The following GARNL3 variants were observed in gnomAD, a reference collection of about 807,000 sequenced individuals.
The protein encoded by GARNL3 is GTPase activating Rap/RanGAP domain like 3.
GARNL3 carries 63 observed loss-of-function variants against 125.0 expected under a neutral mutation model. The ratio of observed to expected loss-of-function variants is 0.50; its 90% CI spans 0.41 to 0.62. The LOEUF is 0.62. Ranked by LOEUF, GARNL3 falls within the 20% of genes least tolerant of loss-of-function variation. The pLI, the probability that GARNL3 is intolerant of heterozygous loss-of-function variation, is 0.00. For synonymous variants in GARNL3, 439 were observed against 457.5 expected (o/e 0.96, Z 0.52); for missense variants, 994 against 1,244.0 (o/e 0.80, Z 3.02).
At chr9:127,285,313 C>T (rs1460095922) in intron 1 of GARNL3, among the ~76,000 whole-genome samples, 2 of 152,134 alleles carry the variant, frequency 1.3e-5, no homozygotes, top group African/African-American at 4.8e-5. Flanking sequence ...TGCCTGTAAT[C>T]GCAGGAGACT....
At chr9:127,289,740 A>G (rs1333349257) in intron 1 of GARNL3, among the ~76,000 whole-genome samples, 2 of 152,166 alleles carry the variant, frequency 1.3e-5, no homozygotes, top group East Asian at 3.9e-4. Flanking sequence ...GGTCTTAGAG[A>G]TCACCTCCCA....
chr9:127,366,085 C>G (rs558076741), intron 22 of GARNL3, among the ~76,000 whole-genome samples: 36 of 152,174 alleles, frequency 2.4e-4, no homozygotes, highest in African/African-American at 8.4e-4. Flanking sequence ...AGCTATTTTC[C>G]TAGATAAAGC....
chr9:127,232,453 A>G (rs2063035505), intron 1 of GARNL3, among the ~76,000 whole-genome samples: 1 of 152,118 alleles, frequency 6.6e-6, no homozygotes, highest in African/African-American at 2.4e-5. Context: ...GACTACAGGT[A>G]TGCACAACTA....
chr9:127,275,291 A>G (rs1196149815), intron 1 of GARNL3, among the ~76,000 whole-genome samples: 1 of 152,174 alleles, frequency 6.6e-6, no homozygotes, highest in East Asian at 1.9e-4. Flanking sequence ...ATGAAGAGGA[A>G]TTTGGTGTTT....
chr9:127,349,903 A>C (rs1454092504), intron 17 of GARNL3, among the ~76,000 whole-genome samples: 1 of 152,206 alleles, frequency 6.6e-6, no homozygotes, highest in African/African-American at 2.4e-5. Flanking sequence ...TGTGAGAATG[A>C]CATAATGGCC....
rs947969693 is a variant in GARNL3 at position 127,384,901 on chromosome 9, A to G, written c.2270-126A>G. ...GGTGACTTGCACATGTGAAGGAAGG[A>G]GAGAAGCAGCCAGAGGAATGAGAGA... On this transcript the variant is annotated intron_variant, in intron 23 of 27. Coordinates refer to ENST00000373387, the MANE Select transcript of GARNL3 (RefSeq NM_032293.5). This position sits in a 1 kb window ranked among gnomAD's most constrained non-coding sequence, Gnocchi z 4.0. The G allele has an allele frequency of 4.1e-5, 23 of 564,884 alleles. No homozygotes were observed. Among genetic ancestry groups the G allele is most frequent in the Non-Finnish European group, 2.6e-5 (8 of 313,592 alleles). 35.0% of individuals were successfully genotyped at this position (564,884 alleles called of 1,614,324 possible).
chr9:127,237,508 G>A (rs2063133651), intron 1 of GARNL3, among the ~76,000 whole-genome samples: 1 of 152,220 alleles, frequency 6.6e-6, no homozygotes, highest in Non-Finnish European at 1.5e-5. Context: ...TTTGCACAGT[G>A]GAAGGGGACT....
chr9:127,228,180 A>G (rs947018754), intron 1 of GARNL3, among the ~76,000 whole-genome samples: 2 of 152,216 alleles, frequency 1.3e-5, no homozygotes, highest in African/African-American at 4.8e-5. Context: ...TCATATGGAT[A>G]TATTACCATT....
intron 22 of GARNL3, among the ~76,000 whole-genome samples, chr9:127,371,851 TG>T (rs1831624271): frequency 6.6e-6 from 1 of 152,236 alleles, no homozygotes; most frequent in African/African-American, 2.4e-5. Flanking sequence ...AATTGATTTT[TG>T]ACAAAGGTGC....
At chr9:127,253,051 A>G (rs2063433975) in intron 2 of GARNL3, among the ~76,000 whole-genome samples, 1 of 152,216 alleles carries the variant, frequency 6.6e-6, no homozygotes, top group African/African-American at 2.4e-5. Flanking sequence ...GGCAACATTT[A>G]TAGCATTTTT....
chr9:127,291,064 C>A, intron 1 of GARNL3, 104 bp from the exon 2 acceptor site: 2 of 1,134,288 alleles, frequency 1.8e-6, no homozygotes, highest in South Asian at 1.4e-5. Context: ...CTAGGCTGGG[C>A]ACTCCAGCCT....
chr9:127,276,876 A>G (rs2063970617), intron 1 of GARNL3, among the ~76,000 whole-genome samples: 1 of 152,212 alleles, frequency 6.6e-6, no homozygotes, highest in African/African-American at 2.4e-5. Context: ...TGTGTAAACT[A>G]CTTTTCACAA....
intron 1 of GARNL3, among the ~76,000 whole-genome samples, chr9:127,276,712 T>A (rs185547265): frequency 6.6e-6 from 1 of 152,320 alleles, no homozygotes; most frequent in Non-Finnish European, 1.5e-5. Flanking sequence ...AGTTGCTAAT[T>A]CCAGAAACCA....
chr9:127,336,384 G>A (rs950246028), intron 11 of GARNL3, 148 bp downstream of exon 11: 14 of 576,976 alleles, frequency 2.4e-5, no homozygotes, highest in Middle Eastern at 4.0e-4. Context: ...CCTAAGCATT[G>A]TGTATAGTTC....
chr9:127,327,838 A>G (rs2065621886), intron 7 of GARNL3, among the ~76,000 whole-genome samples: 1 of 152,240 alleles, frequency 6.6e-6, no homozygotes, highest in African/African-American at 2.4e-5. Context: ...TACACAAAAG[A>G]TAAAAGGAAA....
At chr9:127,357,944 A>G (rs1278841700) in intron 21 of GARNL3, among the ~76,000 whole-genome samples, 3 of 152,112 alleles carry the variant, frequency 2.0e-5, no homozygotes, top group Non-Finnish European at 4.4e-5. Context: ...TGGGGTGGGT[A>G]CTGCACCCTC....
intron 2 of GARNL3, among the ~76,000 whole-genome samples, chr9:127,296,008 A>G (rs1306058709): frequency 6.6e-6 from 1 of 152,168 alleles, no homozygotes; most frequent in Admixed American, 6.5e-5. Context: ...GAGTTATAGG[A>G]GACAGTGACA....
At chr9:127,338,870 A>C (rs1829696736) in intron 12 of GARNL3, among the ~76,000 whole-genome samples, 1 of 152,246 alleles carries the variant, frequency 6.6e-6, no homozygotes, top group Admixed American at 6.5e-5. Context: ...CAGACCAGAG[A>C]AGGCACTCCT....
At chr9:127,370,851 G>GC (rs1386324803) in intron 22 of GARNL3, among the ~76,000 whole-genome samples, 1 of 152,138 alleles carries the variant, frequency 6.6e-6, no homozygotes, top group Admixed American at 6.5e-5. Context: ...AAGCTTGATT[G>GC]CCAGTGTGCT....
Sources: allele counts gnomAD v4.1 joint callset (sites outside exome capture counted in the v4.1 genomes callset), GRCh38; gene constraint gnomAD v4.1.1; non-coding constraint Gnocchi (gnomAD v3.1); transcripts MANE v1.5; gene names NCBI Gene and HGNC (gene_info 2026-07-23, HGNC 2026-07-21).